The following PVT1 variants were observed in gnomAD, a reference collection of about 807,000 sequenced individuals.
PVT1 encodes the protein CXCR4/PVT1 fusion.
At chr8:127,887,349 A>C (rs1442541019) in intron 2 of PVT1, among the ~76,000 whole-genome samples, 1 of 152,104 alleles carries the variant, frequency 6.6e-6, no homozygotes, top group South Asian at 2.1e-4. Flanking sequence ...CACACTCCAG[A>C]ATGTCCTACT....
At chr8:128,020,312 A>C (rs1817418097) in intron 4 of PVT1, among the ~76,000 whole-genome samples, 2 of 152,238 alleles carry the variant, frequency 1.3e-5, no homozygotes, top group South Asian at 4.1e-4. Flanking sequence ...TTGACTTCTA[A>C]TAGGGAGAGT....
chr8:127,914,102 T>C (rs923842347), intron 3 of PVT1, among the ~76,000 whole-genome samples: 1 of 151,796 alleles, frequency 6.6e-6, no homozygotes, highest in Non-Finnish European at 1.5e-5. Flanking sequence ...GCAGAAGACT[T>C]GAACACACAT....
chr8:127,999,860 G>A (rs1050826542), intron 4 of PVT1, among the ~76,000 whole-genome samples: 1 of 152,262 alleles, frequency 6.6e-6, no homozygotes, highest in Non-Finnish European at 1.5e-5. Flanking sequence ...GGGGCAAGAG[G>A]AGTGGGCTGA....
intron 4 of PVT1, among the ~76,000 whole-genome samples, chr8:128,058,540 A>G (rs1338538178): frequency 6.6e-6 from 1 of 152,102 alleles, no homozygotes; most frequent in Non-Finnish European, 1.5e-5. Flanking sequence ...ACCAGACTTC[A>G]CCGTTGTTCA....
intron 3 of PVT1, among the ~76,000 whole-genome samples, chr8:127,925,003 T>C (rs1022291102): frequency 1.3e-5 from 2 of 152,204 alleles, no homozygotes; most frequent in Admixed American, 1.3e-4. Flanking sequence ...CACAATCAAT[T>C]TGAGAGCATT....
At chr8:127,863,343 C>T (rs1259277248) in intron 2 of PVT1, among the ~76,000 whole-genome samples, 1 of 152,158 alleles carries the variant, frequency 6.6e-6, no homozygotes, top group Non-Finnish European at 1.5e-5. Flanking sequence ...AACTCCTGAT[C>T]TCATGATCTT....
intron 2 of PVT1, among the ~76,000 whole-genome samples, chr8:127,836,625 G>A (rs1286427229): frequency 6.6e-6 from 1 of 152,160 alleles, no homozygotes; most frequent in Admixed American, 6.5e-5. Flanking sequence ...CAATAACTCT[G>A]ACTGCTAATA....
chr8:127,806,598 A>C lies in PVT1; in HGVS notation n.372+10527A>C, dbSNP rs115411982. 8.2e-3 allele frequency among the ~76,000 whole-genome samples: 1,251 copies of C among 152,316 alleles called. 12 individuals carry two copies. The highest frequency in any genetic ancestry group is 0.028 in the African/African-American group (1,157 of 41,556). On this transcript the variant is annotated intron_variant and non_coding_transcript_variant, in intron 2 of 10. Transcript: ENST00000651587. ...GGATACAATGCTAAGAGTTTTGATA[A>C]ATGCATAGAACTGTGTTACACTGTT...
intron 5 of PVT1, among the ~76,000 whole-genome samples, chr8:128,075,783 G>A (rs1814080363): frequency 6.6e-6 from 1 of 152,100 alleles, no homozygotes. Flanking sequence ...CTGCTACATT[G>A]TTCTATTGTT....
At chr8:127,824,066 G>A (rs535798998) in intron 2 of PVT1, among the ~76,000 whole-genome samples, 8 of 152,224 alleles carry the variant, frequency 5.3e-5, no homozygotes, top group East Asian at 1.9e-4. Context: ...GGTGGAGTGC[G>A]CCTGTGGTCC....
chr8:128,076,019 AG>A (rs1424091434), intron 5 of PVT1, among the ~76,000 whole-genome samples: 1 of 152,220 alleles, frequency 6.6e-6, no homozygotes, highest in African/African-American at 2.4e-5. Flanking sequence ...GTGTTGTCAG[AG>A]GGACCAGAGT....
intron 4 of PVT1, among the ~76,000 whole-genome samples, chr8:128,020,377 G>T (rs1404247195): frequency 6.6e-6 from 1 of 152,214 alleles, no homozygotes; most frequent in Non-Finnish European, 1.5e-5. Flanking sequence ...TAAAGGCAGA[G>T]GTTTTCTCCG....
Position 128,060,001 on chromosome 8 carries a change from A to G in PVT1, n.913-10159A>G, listed in dbSNP as rs562108281. 1.2e-4 allele frequency among the ~76,000 whole-genome samples: 18 copies of G among 152,328 alleles called. No individual in the cohort carries two copies. In the East Asian group the frequency reaches 3.5e-3, roughly 29 times the overall value. ...GCTGGGCGTGGTGGCTCATGCCTGT[A>G]ATCCTAGCACTTTGGGAGGCCAAGG... On this transcript the variant is annotated intron_variant and non_coding_transcript_variant, in intron 4 of 10. Transcript: ENST00000651587.
intron 3 of PVT1, among the ~76,000 whole-genome samples, chr8:127,979,752 C>A (rs953249638): frequency 2.6e-5 from 4 of 152,178 alleles, no homozygotes; most frequent in Non-Finnish European, 4.4e-5. Context: ...TAATCTTGAA[C>A]AAGGTGATTG....
chr8:127,930,445 C>T (rs2129885059), intron 3 of PVT1, among the ~76,000 whole-genome samples: 1 of 152,316 alleles, frequency 6.6e-6, no homozygotes. Context: ...AGGCGTGAGT[C>T]ATCATGCCTG....
intron 4 of PVT1, among the ~76,000 whole-genome samples, chr8:127,995,227 C>G (rs1817090965): frequency 6.6e-6 from 1 of 152,228 alleles, no homozygotes; most frequent in Non-Finnish European, 1.5e-5. Context: ...AATCAAGTGA[C>G]TGTAAGAGCC....
At chr8:127,874,933 T>TGG (rs1554593435) in intron 2 of PVT1, among the ~76,000 whole-genome samples, 1 of 146,496 alleles carries the variant, frequency 6.8e-6, no homozygotes, top group Non-Finnish European at 1.5e-5. Flanking sequence ...TGTGTGTGTG[T>TGG]GTGGGTGTGT....
chr8:127,836,345 A>C (rs552469614), intron 2 of PVT1, among the ~76,000 whole-genome samples: 1 of 152,148 alleles, frequency 6.6e-6, no homozygotes, highest in Admixed American at 6.5e-5. Context: ...CAGGATGTGC[A>C]GATTTGTTGC....
chr8:127,882,735 G>A (rs1815482148), intron 2 of PVT1, among the ~76,000 whole-genome samples: 1 of 151,852 alleles, frequency 6.6e-6, no homozygotes, highest in Non-Finnish European at 1.5e-5. Flanking sequence ...CCACCTCCTC[G>A]GCCTCCCAAA....
Sources: gnomAD v4.1 joint callset for allele counts (sites outside exome capture counted in the v4.1 genomes callset) on GRCh38, gnomAD v4.1.1 for gene constraint, MANE v1.5 for transcripts, NCBI Gene and HGNC (gene_info 2026-07-23, HGNC 2026-07-21) for gene names.